The following UPF1 variants were observed in gnomAD, a reference collection of about 807,000 sequenced individuals.
UPF1 encodes regulator of nonsense transcripts 1.
In UPF1, 9 loss-of-function variants were observed where a neutral mutation model predicts 129.2. The observed-to-expected ratio is 0.07, with a 90% CI of 0.04 to 0.12. UPF1 has a LOEUF of 0.12. UPF1 is among the 10% of genes least tolerant of loss of function. UPF1 has a pLI of 1.00. For synonymous variants in UPF1, 649 were observed against 644.9 expected (o/e 1.01, Z -0.10); for missense variants, 788 against 1,525.3 (o/e 0.52, Z 8.05).
chr19:18,857,646 C>T (rs952069766), intron 15 of UPF1, 113 bp downstream of exon 15: 5 of 1,249,770 alleles, frequency 4.0e-6, no homozygotes, highest in Admixed American at 2.9e-5. Context: ...TTCACATAGC[C>T]ACTGCTTGAG....
At position 18,850,053 on chromosome 19, in the gene UPF1, G is replaced by T; in HGVS notation, c.462-22G>T. ...AAAAGCCAAATTTTGGGTGTTAACC[G>T]TTTATCATTTCCTGGTTTCAGCCAC... On this transcript the variant is annotated intron_variant, in intron 3 of 23. Transcript: ENST00000262803. This position sits in a 1 kb window ranked among gnomAD's most constrained non-coding sequence, Gnocchi z 7.1. 6.2e-7 allele frequency: 1 copy of T among 1,613,856 alleles called. No homozygotes were observed. The highest frequency in any genetic ancestry group is 8.5e-7 in the Non-Finnish European group (1 of 1,179,932).
At chr19:18,843,545 G>A (rs1434761576) in intron 1 of UPF1, among the ~76,000 whole-genome samples, 1 of 134,810 alleles carries the variant, frequency 7.4e-6, no homozygotes, top group East Asian at 2.3e-4. Context: ...TTGAGACAGA[G>A]TCTTGCTCTG....
intron 19 of UPF1, 82 bp downstream of exon 19, chr19:18,863,694 T>C: frequency 7.0e-7 from 1 of 1,422,000 alleles, no homozygotes; most frequent in Non-Finnish European, 9.4e-7. Context: ...GCTTGGCCCG[T>C]GTGCCCGTGA....
chr19:18,860,079 AG>A, intron 15 of UPF1: 1 of 508,304 alleles, frequency 2.0e-6, no homozygotes. Flanking sequence ...TTCCCTGTTC[AG>A]GGGCTGAGCC....
chr19:18,863,764 A>G (rs933435278), intron 19 of UPF1, 152 bp downstream of exon 19: 2 of 1,167,978 alleles, frequency 1.7e-6, no homozygotes, highest in African/African-American at 1.6e-5. Flanking sequence ...GGGCCAGCCC[A>G]CTTCTTGTCT....
intron 3 of UPF1, chr19:18,848,535 G>A (rs1007125834): frequency 8.5e-5 from 13 of 152,216 alleles, no homozygotes; most frequent in African/African-American, 2.7e-4. Flanking sequence ...GCAGAGCTCC[G>A]AGGTGCTAGC....
intron 2 of UPF1, 97 bp from the exon 3 acceptor site, chr19:18,847,647 C>T (rs2055615018): frequency 8.4e-7 from 1 of 1,194,710 alleles, no homozygotes; most frequent in African/African-American, 1.5e-5. Context: ...TAATGAAGAA[C>T]TTAAAAATGT....
chr19:18,863,227 A>C (rs759326759), intron 18 of UPF1: 19 of 580,094 alleles, frequency 3.3e-5, no homozygotes, highest in African/African-American at 5.6e-5. Flanking sequence ...GGCTGCTTAG[A>C]GTCGGCCACA....
At chr19:18,833,093 T>A (rs1240846095) in intron 1 of UPF1, 1 of 152,406 alleles carries the variant, frequency 6.6e-6, no homozygotes, top group Admixed American at 6.5e-5. Context: ...TTGGTGGGTC[T>A]GGCCGCCTGT....
chr19:18,867,699 T>A lies in UPF1; in HGVS notation c.*1182T>A, dbSNP rs1220309949. On this transcript the variant is annotated 3_prime_UTR_variant, in exon 24 of 24. Coordinates refer to ENST00000262803, the MANE Select transcript of UPF1 (RefSeq NM_002911.4). ...AAACAAGTTACAGAAATTACCGCGT[T>A]CTGTGTGAAGGGACTGAGGGTGTGG... is the stretch of plus-strand genomic sequence containing the variant. 1 of 152,424 alleles carries A rather than the reference T, an allele frequency of 6.6e-6. No individual in the cohort carries two copies. Among genetic ancestry groups the A allele is most frequent in the Non-Finnish European group, 1.5e-5 (1 of 68,168 alleles). 9.4% of individuals were successfully genotyped at this position (152,424 alleles called of 1,614,324 possible). A position where few individuals can be genotyped will look rare whatever the true frequency, so the allele number is the denominator to read the frequency against.
chr19:18,841,238 T>G (rs2055537999), intron 1 of UPF1, among the ~76,000 whole-genome samples: 1 of 152,228 alleles, frequency 6.6e-6, no homozygotes, highest in Non-Finnish European at 1.5e-5. Flanking sequence ...TTCTTCTCCC[T>G]GTTTTCTTTT....
chr19:18,832,349 C>A lies in UPF1; in HGVS notation c.140C>A (p.Pro47His). 7.3e-7 allele frequency: 1 copy of A among 1,365,654 alleles called. No individual in the cohort carries two copies. 84.6% of individuals were successfully genotyped at this position (1,365,654 alleles called of 1,614,324 possible). A position where few individuals can be genotyped will look rare whatever the true frequency, so the allele number is the denominator to read the frequency against. The change falls in exon 1 of 24, where the codon CCC becomes CAC. Residue 47 changes from proline (P) to histidine (H), a missense_variant. Transcript: ENST00000262803. This position sits in a 1 kb window ranked among gnomAD's most constrained non-coding sequence, Gnocchi z 5.6. ...DFTLPSQTQT[P>H]PGGPGGPGGG... ...ACTCTTCCTAGCCAGACGCAGACGCCCCCCGGCGGCCCCGGCGGCCCGGGC... is the reference window on the plus strand; with the variant it reads ...ACTCTTCCTAGCCAGACGCAGACGCACCCCGGCGGCCCCGGCGGCCCGGGC...
chr19:18,855,207 C>T lies in UPF1; in HGVS notation c.1509C>T (p.Ala503=). 2 of 1,612,870 alleles carry T rather than the reference C, an allele frequency of 1.2e-6. No homozygotes were observed. Among genetic ancestry groups the T allele is most frequent in the Middle Eastern group, 1.6e-4 (1 of 6,062 alleles). Residue 503 remains alanine (A), a synonymous_variant, in exon 11 of 24, where the codon GCC becomes GCT. Transcript: ENST00000262803. ...GCACGGGGAAGACGGTGACGTCGGCCACCATCGTCTACCACCTGGCCCGGC... is the reference window on the plus strand; with the variant it reads ...GCACGGGGAAGACGGTGACGTCGGCTACCATCGTCTACCACCTGGCCCGGC... ...PPGTGKTVTS[A]TIVYHLARQG...
chr19:18,837,155 T>C (rs767007746), intron 1 of UPF1, among the ~76,000 whole-genome samples: 2 of 152,032 alleles, frequency 1.3e-5, no homozygotes, highest in Non-Finnish European at 2.9e-5. Context: ...AGTGGCGTTA[T>C]CATGGGTCAC....
intron 1 of UPF1, among the ~76,000 whole-genome samples, chr19:18,837,843 T>C (rs1568268687): frequency 6.6e-6 from 1 of 152,194 alleles, no homozygotes; most frequent in Non-Finnish European, 1.5e-5. Context: ...TCTGAGTGCA[T>C]GAGTTGTTTC....
At position 18,865,256 on chromosome 19, in the gene UPF1, G is replaced by C; in HGVS notation, c.2858-33G>C. On this transcript the variant is annotated intron_variant, in intron 20 of 23. Coordinates refer to ENST00000262803, the MANE Select transcript of UPF1 (RefSeq NM_002911.4). The surrounding 1 kb of genome is among the most constrained non-coding windows in gnomAD (Gnocchi z 6.1). Reference sequence around the variant, plus strand: ...TATCGCTGGGGTTTGACCGAGGCAGGTGACACCTGCCGTGTTCCACTGTGA... The same window carrying C: ...TATCGCTGGGGTTTGACCGAGGCAGCTGACACCTGCCGTGTTCCACTGTGA... The C allele has an allele frequency of 6.3e-7, 1 of 1,579,686 alleles. No individual in the cohort carries two copies. Among genetic ancestry groups the C allele is most frequent in the South Asian group, 1.1e-5 (1 of 88,358 alleles).
At chr19:18,839,881 G>A (rs962073524) in intron 1 of UPF1, among the ~76,000 whole-genome samples, 11 of 152,184 alleles carry the variant, frequency 7.2e-5, no homozygotes, top group Non-Finnish European at 2.9e-5. Flanking sequence ...AGTAGGAGTG[G>A]GCTCCCCTGC....
rs930401885 is a variant in UPF1 at position 18,866,999 on chromosome 19, CGAGGT to C, written c.*483_*487del. 6.6e-6 allele frequency: 1 copy of C among 152,622 alleles called. No individual in the cohort carries two copies. The highest frequency in any genetic ancestry group is 2.4e-5 in the African/African-American group (1 of 41,462). 9.5% of individuals were successfully genotyped at this position (152,622 alleles called of 1,614,324 possible). ...GTCTGTCCACGCCTACCGGACGCGCCGAGGTCGCGCTGCCTGTGTTCTCCGAGGGC... is the reference window on the plus strand; with the variant it reads ...GTCTGTCCACGCCTACCGGACGCGCCCGCGCTGCCTGTGTTCTCCGAGGGC... On this transcript the variant is annotated 3_prime_UTR_variant, in exon 24 of 24. Transcript: ENST00000262803.
chr19:18,840,832 G>A (rs554481351), intron 1 of UPF1, among the ~76,000 whole-genome samples: 14 of 152,326 alleles, frequency 9.2e-5, no homozygotes, highest in African/African-American at 3.4e-4. Flanking sequence ...TGTGTTGGTC[G>A]AATAGCAGCT....
Sources: allele counts gnomAD v4.1 joint callset (sites outside exome capture counted in the v4.1 genomes callset), GRCh38; gene constraint gnomAD v4.1.1; non-coding constraint Gnocchi (gnomAD v3.1); transcripts MANE v1.5; gene names NCBI Gene and HGNC (gene_info 2026-07-23, HGNC 2026-07-21).